The following LAPTM4B variants were observed in gnomAD, a reference collection of about 807,000 sequenced individuals.
LAPTM4B encodes lysosomal-associated transmembrane protein 4B.
A neutral mutation model predicts 28.5 loss-of-function variants in LAPTM4B; 26 were observed. The ratio of observed to expected loss-of-function variants is 0.91; its 90% CI spans 0.67 to 1.27. The LOEUF is 1.27. Ranked by LOEUF, LAPTM4B falls within the 50% of genes most tolerant of loss-of-function variation. The pLI is 0.00. For missense variants in LAPTM4B, 288 were observed against 285.8 expected (o/e 1.01, Z -0.06); for synonymous variants, 109 against 106.4 (o/e 1.02, Z -0.15).
At chr8:97,800,956 AAAAAC>A (rs1816666909) in intron 1 of LAPTM4B, among the ~76,000 whole-genome samples, 1 of 152,072 alleles carries the variant, frequency 6.6e-6, no homozygotes, top group Non-Finnish European at 1.5e-5. Context: ...TCTAATTAAA[AAAAAC>A]AAAACAAGAC....
At chr8:97,824,988 T>C in intron 5 of LAPTM4B, 70 bp from the exon 6 acceptor site, 1 of 838,158 alleles carries the variant, frequency 1.2e-6, no homozygotes, top group Non-Finnish European at 2.1e-6. Flanking sequence ...AATATGGCTT[T>C]ATCTGTGTGG....
At chr8:97,820,943 T>C (rs1816993192) in intron 5 of LAPTM4B, among the ~76,000 whole-genome samples, 1 of 151,638 alleles carries the variant, frequency 6.6e-6, no homozygotes, top group Non-Finnish European at 1.5e-5. Context: ...GCCATGCTGG[T>C]GTCAAACTCC....
chr8:97,795,066 A>G (rs1816561429), intron 1 of LAPTM4B, among the ~76,000 whole-genome samples: 1 of 152,252 alleles, frequency 6.6e-6, no homozygotes, highest in Non-Finnish European at 1.5e-5. Context: ...AAATTAGCCA[A>G]GTATCAGAAA....
intron 5 of LAPTM4B, among the ~76,000 whole-genome samples, chr8:97,823,925 C>G (rs1314148163): frequency 6.6e-6 from 1 of 151,848 alleles, no homozygotes; most frequent in African/African-American, 2.4e-5. Flanking sequence ...TCTCTAAACT[C>G]CTGAACTCAG....
At chr8:97,798,674 C>A (rs113381665) in intron 1 of LAPTM4B, among the ~76,000 whole-genome samples, 2 of 151,876 alleles carry the variant, frequency 1.3e-5, no homozygotes, top group Admixed American at 6.6e-5. Flanking sequence ...GAAGGACACA[C>A]TGAGCCAGCA....
At chr8:97,820,582 A>G (rs1816988108) in intron 5 of LAPTM4B, among the ~76,000 whole-genome samples, 2 of 152,162 alleles carry the variant, frequency 1.3e-5, no homozygotes, top group African/African-American at 4.8e-5. Context: ...ATTGGAAACC[A>G]GTTGGCCAGG....
chr8:97,829,540 C>T (rs1273406341), intron 6 of LAPTM4B, among the ~76,000 whole-genome samples: 1 of 151,912 alleles, frequency 6.6e-6, no homozygotes. Flanking sequence ...AAGGGAGCAG[C>T]AATGGGGATA....
At chr8:97,780,144 G>T (rs1239587845) in intron 1 of LAPTM4B, among the ~76,000 whole-genome samples, 1 of 151,792 alleles carries the variant, frequency 6.6e-6, no homozygotes, top group East Asian at 1.9e-4. Context: ...AAGAGTCCAG[G>T]CCGGGTACGG....
intron 6 of LAPTM4B, among the ~76,000 whole-genome samples, chr8:97,836,944 AAAAT>A (rs1374308263): frequency 6.6e-6 from 1 of 150,938 alleles, no homozygotes; most frequent in African/African-American, 2.4e-5. Context: ...AAGAGAAAAA[AAAAT>A]ATATATATAT....
At chr8:97,837,160 T>C (rs1049534945) in intron 6 of LAPTM4B, among the ~76,000 whole-genome samples, 1 of 151,292 alleles carries the variant, frequency 6.6e-6, no homozygotes, top group African/African-American at 2.4e-5. Context: ...TTTCAAAAAT[T>C]GTGCATGAAA....
At position 97,784,621 on chromosome 8, in the gene LAPTM4B, A is replaced by G. The variant is rs144365803; in HGVS notation, c.99+8513A>G. Among the ~76,000 whole-genome samples the G allele has an allele frequency of 7.6e-3, 1,153 of 152,012 alleles. 18 individuals carry two copies. The highest frequency in any genetic ancestry group is 0.026 in the African/African-American group (1,067 of 41,468). On this transcript the variant is annotated intron_variant, in intron 1 of 6. Coordinates refer to ENST00000521545, the MANE Select transcript of LAPTM4B (RefSeq NM_018407.6). The stretch of plus-strand genomic sequence containing the variant: ...CACCCCGCTGATTTTTTTATTTTTA[A>G]TAGAGATGAGGTTTCAACGTGGTAG...
At chr8:97,826,862 A>AT (rs1405601785) in intron 6 of LAPTM4B, among the ~76,000 whole-genome samples, 2 of 152,140 alleles carry the variant, frequency 1.3e-5, no homozygotes, top group Non-Finnish European at 2.9e-5. Flanking sequence ...CCATCTATAA[A>AT]TTTTTTCTTT....
Position 97,846,468 on chromosome 8 carries a change from C to G in LAPTM4B, c.604-4929C>G, listed in dbSNP as rs541233530. On this transcript the variant is annotated intron_variant, in intron 6 of 6. Transcript: ENST00000521545. ...TCAGCCTCCCGAGTAGCTGGGATTACAGGCATGCGCCACCACGCCCAGCTA... is the reference window on the plus strand; with the variant it reads ...TCAGCCTCCCGAGTAGCTGGGATTAGAGGCATGCGCCACCACGCCCAGCTA... Among the ~76,000 whole-genome samples the G allele has an allele frequency of 9.5e-4, 145 of 152,182 alleles. 1 individual carries two copies. Among genetic ancestry groups the G allele is most frequent in the Non-Finnish European group, 1.4e-3 (98 of 68,032 alleles).
chr8:97,827,534 G>C (rs1050256892), intron 6 of LAPTM4B, among the ~76,000 whole-genome samples: 6 of 152,168 alleles, frequency 3.9e-5, no homozygotes, highest in African/African-American at 1.4e-4. Context: ...AATGTTATGG[G>C]AACCTCAACT....
intron 6 of LAPTM4B, among the ~76,000 whole-genome samples, chr8:97,840,733 C>A (rs949437040): frequency 1.3e-5 from 2 of 152,248 alleles, no homozygotes; most frequent in Non-Finnish European, 2.9e-5. Context: ...AAGGCTGTCA[C>A]TTCACACTTA....
At chr8:97,841,893 AT>A (rs1817353913) in intron 6 of LAPTM4B, among the ~76,000 whole-genome samples, 1 of 152,192 alleles carries the variant, frequency 6.6e-6, no homozygotes, top group Non-Finnish European at 1.5e-5. Flanking sequence ...AAGAAAACAT[AT>A]TTTGGCTACT....
At position 97,819,232 on chromosome 8, in the gene LAPTM4B, T is replaced by G; in HGVS notation, c.501T>G (p.Thr167=). ...IILLFISIIL[T]FKGYLISCVW... ...TTCTGTTTATTAGCATTATCTTGAC[T>G]TTTAAGGTAAGCATGAAGATTTTAC... The change falls in exon 5 of 7, where the codon ACT becomes ACG. Residue 167 remains threonine (T), a synonymous_variant. Transcript: ENST00000521545. 6.4e-7 allele frequency: 1 copy of G among 1,566,534 alleles called. No homozygotes were observed. The highest frequency in any genetic ancestry group is 1.1e-5 in the South Asian group (1 of 88,636).
In LAPTM4B at chr8:97,827,834, C is replaced by T. The variant is rs905177441; in HGVS notation, c.603+2681C>T. Among the ~76,000 whole-genome samples, 18 of 151,990 alleles carry T rather than the reference C, an allele frequency of 1.2e-4. 1 individual carries two copies. The highest frequency in any genetic ancestry group is 4.4e-4 in the African/African-American group (18 of 41,354). Reference sequence around the variant, plus strand: ...GTTAGGGGTAAGCAGTGGAAAGTTACAGTTAGGGGCCGTTTATTGCGGGCA... The same window carrying T: ...GTTAGGGGTAAGCAGTGGAAAGTTATAGTTAGGGGCCGTTTATTGCGGGCA... On this transcript the variant is annotated intron_variant, in intron 6 of 6. Transcript: ENST00000521545.
Position 97,795,889 on chromosome 8 carries a change from C to A in LAPTM4B, c.100-9464C>A, listed in dbSNP as rs79477278. Among the ~76,000 whole-genome samples the A allele has an allele frequency of 4.4e-3, 641 of 147,226 alleles. 5 individuals carry two copies. Among genetic ancestry groups the A allele is most frequent in the African/African-American group, 0.015 (621 of 40,594 alleles). ...TAACACTAATTGGTACTTTTGATCT[C>A]TTCCTAGACAATGCAAGGACCTTAG... On this transcript the variant is annotated intron_variant, in intron 1 of 6. Transcript: ENST00000521545.
Sources: gnomAD v4.1 joint callset for allele counts (sites outside exome capture counted in the v4.1 genomes callset) on GRCh38, gnomAD v4.1.1 for gene constraint, MANE v1.5 for transcripts, NCBI Gene and HGNC (gene_info 2026-07-23, HGNC 2026-07-21) for gene names.